Variants in ADCY4 observed in about 807,000 individuals in gnomAD.
ADCY4 encodes the protein adenylate cyclase 4.
ADCY4 carries 111 observed loss-of-function variants against 125.5 expected under a neutral mutation model. The observed-to-expected ratio is 0.88, with a 90% confidence interval of 0.76 to 1.04. The LOEUF (loss-of-function observed/expected upper bound fraction) is 1.04. Ranked by LOEUF, ADCY4 falls within the 50% of genes least tolerant of loss-of-function variation. ADCY4 has a pLI of 0.00. For synonymous variants in ADCY4, 576 were observed against 586.9 expected, an observed-to-expected ratio of 0.98 and a Z score of 0.27; for missense variants, 1,256 against 1,382.9, an observed-to-expected ratio of 0.91 and a Z score of 1.46.
chr14:24,330,140 A>T, intron 7 of ADCY4, 28 bp downstream of exon 7: 1 of 1,606,994 alleles, frequency 6.2e-7, no homozygotes. Context: ...CACCCTCAGC[A>T]TTCCTCTTGA....
Position 24,330,148 on chromosome 14 carries a change from T to C in ADCY4, c.1058+20A>G. On this transcript the variant is annotated intron_variant, in intron 7 of 24. Coordinates refer to ENST00000418030, the MANE Select transcript of ADCY4 (RefSeq NM_001198568.2). ...CCACATCCACCCTCAGCATTCCTCTTGACCACCGCCTGAGCTGACCTGATG... is the reference window on the plus strand; with the variant it reads ...CCACATCCACCCTCAGCATTCCTCTCGACCACCGCCTGAGCTGACCTGATG... 6.2e-7 allele frequency: 1 copy of C among 1,609,144 alleles called. No homozygotes were observed. The highest frequency in any genetic ancestry group is 1.1e-5 in the South Asian group (1 of 91,020).
In ADCY4 at chr14:24,330,260, G is replaced by A; in HGVS notation, c.966C>T (p.Asp322=). ...GCAGCCCAGAGACACAGTAGTAACA[G>A]TCCCCCAGGATCTTGATCCGCATGC... is the stretch of plus-strand genomic sequence containing the variant. ...HECMRIKILG[D]CYYCVSGLPL... Residue 322 remains aspartate, a synonymous_variant, in exon 7 of 25, where the codon GAC becomes GAT. Transcript: ENST00000418030. 1.2e-6 allele frequency: 2 copies of A among 1,614,226 alleles called. No homozygotes were observed. Among genetic ancestry groups the A allele is most frequent in the Non-Finnish European group, 1.7e-6 (2 of 1,180,044 alleles).
At chr14:24,322,512 C>A (rs1015589340) in intron 19 of ADCY4, 112 bp downstream of exon 19, 53 of 1,167,344 alleles carry the variant, frequency 4.5e-5, no homozygotes, top group Non-Finnish European at 6.3e-5. Flanking sequence ...AGCAGGAAGG[C>A]TCGCTTAGAA....
chr14:24,328,367 T>A (rs1281172528), intron 10 of ADCY4, among the ~76,000 whole-genome samples: 2 of 152,178 alleles, frequency 1.3e-5, no homozygotes, highest in Non-Finnish European at 2.9e-5. Flanking sequence ...ATGCTGTGCT[T>A]CAGTGGTCAC....
chr14:24,322,954 CCAGG>C lies in ADCY4; in HGVS notation c.2288_2291del (p.Ala763GlyfsTer22). On this transcript the variant is annotated frameshift_variant, in exon 18 of 25. Coordinates refer to ENST00000418030, the MANE Select transcript of ADCY4 (RefSeq NM_001198568.2). LOFTEE classifies it high-confidence loss of function. ...GGCGGACGATGAGGCATTCCGACAG[CCAGG>C]CATGGGAGTGCAGGAAGAGGGAGCA... 1 of 1,613,338 alleles carries C rather than the reference CCAGG, an allele frequency of 6.2e-7. No individual in the cohort carries two copies.
chr14:24,333,384 C>T (rs756398063), intron 1 of ADCY4, among the ~76,000 whole-genome samples: 3 of 147,884 alleles, frequency 2.0e-5, no homozygotes, highest in Non-Finnish European at 1.5e-5. Flanking sequence ...CCACGCCCAG[C>T]TAATTTTTTT....
intron 1 of ADCY4, 46 bp downstream of exon 1, chr14:24,334,448 A>G: frequency 6.6e-7 from 1 of 1,521,118 alleles, no homozygotes; most frequent in Non-Finnish European, 8.8e-7. Context: ...CAACCCCGAA[A>G]ATGCTCCCCA....
chr14:24,322,918 G>T lies in ADCY4; in HGVS notation c.2328C>A (p.Gly776=), dbSNP rs754641034. Reference sequence around the variant, plus strand: ...GCTGTGCACACCTGGAGTCCAAGGGGCCCAGATAGAGGCGGACGATGAGGC... The same window carrying T: ...GCTGTGCACACCTGGAGTCCAAGGGTCCCAGATAGAGGCGGACGATGAGGC... ...SECLIVRLYL[G]PLDSRPGVLK... The change falls in exon 18 of 25, where the codon GGC becomes GGA. Residue 776 remains glycine (G), a synonymous_variant. Transcript: ENST00000418030. The T allele has an allele frequency of 6.9e-6, 11 of 1,602,212 alleles. No homozygotes were observed. Among genetic ancestry groups the T allele is most frequent in the Non-Finnish European group, 9.4e-6 (11 of 1,174,638 alleles).
At position 24,332,751 on chromosome 14, in the gene ADCY4, C is replaced by G. The variant is rs111738647; in HGVS notation, c.357+40G>C. ...TTCAAGGCCTGGTGAGGGATCGAAG[C>G]CCGGGCCGTCCCCGCTGCCCCGCCT... On this transcript the variant is annotated intron_variant, in intron 2 of 24. Transcript: ENST00000418030. The G allele has an allele frequency of 6.3e-4, 965 of 1,531,188 alleles. 7 individuals carry two copies. In the African/African-American group the frequency reaches 9.6e-3, roughly 15 times the overall value. The allele number at this position is 1,531,188 out of a possible 1,614,324, so 94.9% of individuals were successfully genotyped here. A position where few individuals can be genotyped will look rare whatever the true frequency, so the allele number is the denominator to read the frequency against.
rs1356753518 is a variant in ADCY4 at position 24,326,336 on chromosome 14, T to G, written c.1531A>C (p.Thr511Pro). The change falls in exon 11 of 25, where the codon ACC (threonine) becomes CCC (proline). Residue 511 changes from threonine (T) to proline (P), a missense_variant. Coordinates refer to ENST00000418030, the MANE Select transcript of ADCY4 (RefSeq NM_001198568.2). ...VSTSTPLPEK[T>P]LASFSTQWSL... ...CACTGGGTGCTGAAGGAAGCCAGGG[T>G]CTTCTCCTGTTGGGAGAGCACAGGG... 1 of 1,613,392 alleles carries G rather than the reference T, an allele frequency of 6.2e-7. No homozygotes were observed. The highest frequency in any genetic ancestry group is 8.5e-7 in the Non-Finnish European group (1 of 1,179,990).
chr14:24,326,046 T>C, intron 12 of ADCY4, 33 bp downstream of exon 12: 1 of 1,570,052 alleles, frequency 6.4e-7, no homozygotes, highest in Non-Finnish European at 8.6e-7. Flanking sequence ...CCTCAGGGCC[T>C]GCGGCCCCCC....
At chr14:24,326,721 G>A (rs1324964297) in intron 10 of ADCY4, among the ~76,000 whole-genome samples, 1 of 151,924 alleles carries the variant, frequency 6.6e-6, no homozygotes, top group African/African-American at 2.4e-5. Context: ...AGCCTTCCAG[G>A]TGGCTGGGAT....
chr14:24,326,571 TTG>T (rs71119070), intron 10 of ADCY4: 51,870 of 276,610 alleles, frequency 0.19, 3,546 homozygotes, highest in East Asian at 0.32. Context: ...CCCAGGATCT[TTG>T]TGTGTGTGTG....
intron 7 of ADCY4, 29 bp from the exon 8 acceptor site, chr14:24,330,047 A>C (rs1458079992): frequency 6.2e-7 from 1 of 1,604,434 alleles, no homozygotes; most frequent in Non-Finnish European, 8.5e-7. Context: ...GGACAATCTG[A>C]GTCCTACCCT....
At position 24,334,619 on chromosome 14, in the gene ADCY4, T is replaced by TG. The variant is rs2042104607; in HGVS notation, c.33dup (p.Ser12GlnfsTer248). On this transcript the variant is annotated frameshift_variant, in exon 1 of 25. Coordinates refer to ENST00000418030, the MANE Select transcript of ADCY4 (RefSeq NM_001198568.2). LOFTEE classifies it high-confidence loss of function. ...TAGGTCTCGTAGAAGAGGTCTTCGC[T>TG]GGGGGGCGGCCGGGGGCTGAAGAGG... 3 of 1,558,084 alleles carry TG rather than the reference T, an allele frequency of 1.9e-6. No individual in the cohort carries two copies. Among genetic ancestry groups the TG allele is most frequent in the South Asian group, 1.2e-5 (1 of 85,116 alleles).
intron 10 of ADCY4, 48 bp from the exon 11 acceptor site, chr14:24,326,390 G>A: frequency 6.2e-7 from 1 of 1,607,442 alleles, no homozygotes; most frequent in Non-Finnish European, 8.5e-7. Context: ...TGTTTTCCCT[G>A]CAGTGAGGTA....
In ADCY4 at chr14:24,324,407, A is replaced by C; in HGVS notation, c.1824-16T>G. The C allele has an allele frequency of 1.9e-6, 3 of 1,606,144 alleles. No homozygotes were observed. In the South Asian group the frequency reaches 3.3e-5, roughly 18 times the overall value. On this transcript the variant is annotated splice_polypyrimidine_tract_variant and intron_variant, in intron 14 of 24. Transcript: ENST00000418030. ...AGCTGGGGGCCTGAAGGGAGACAAAAGCGAGGCCTTGAAGTGCCAGAACAG... is the reference window on the plus strand; with the variant it reads ...AGCTGGGGGCCTGAAGGGAGACAAACGCGAGGCCTTGAAGTGCCAGAACAG...
intron 19 of ADCY4, 77 bp from the exon 20 acceptor site, chr14:24,322,301 C>T (rs1197123080): frequency 1.3e-6 from 2 of 1,520,592 alleles, no homozygotes; most frequent in Non-Finnish European, 1.8e-6. Flanking sequence ...GCCCCAACTC[C>T]ATGATGCCTG....
intron 20 of ADCY4, among the ~76,000 whole-genome samples, chr14:24,320,834 T>C (rs1017614673): frequency 3.3e-5 from 5 of 152,216 alleles, no homozygotes; most frequent in Admixed American, 6.5e-5. Flanking sequence ...AGGAACTGAA[T>C]ATTTTATTTT....
Sources: gnomAD v4.1 joint callset for allele counts (sites outside exome capture counted in the v4.1 genomes callset) on GRCh38, gnomAD v4.1.1 for gene constraint, MANE v1.5 for transcripts, NCBI Gene and HGNC (gene_info 2026-07-23, HGNC 2026-07-21) for gene names.